Variants in NPTN observed in about 807,000 individuals in gnomAD.
NPTN encodes the protein SDR-1.
Under a neutral mutation model 42.7 loss-of-function variants are expected in NPTN, and 5 were observed. The observed-to-expected ratio is 0.12, with a 90% CI of 0.06 to 0.25. The LOEUF (loss-of-function observed/expected upper bound fraction) is 0.25. NPTN is among the 10% of genes least tolerant of loss of function. The pLI, the probability that NPTN is intolerant of heterozygous loss-of-function variation, is 1.00. For missense variants in NPTN, 307 were observed against 525.4 expected, an observed-to-expected ratio of 0.58 and a Z score of 4.06; for synonymous variants, 180 against 201.9, an observed-to-expected ratio of 0.89 and a Z score of 0.92.
At chr15:73,626,701 C>T (rs1026688328) in intron 1 of NPTN, among the ~76,000 whole-genome samples, 3 of 152,100 alleles carry the variant, frequency 2.0e-5, no homozygotes, top group Admixed American at 6.5e-5. Context: ...TGTGACATTT[C>T]GTTATGCATT....
intron 3 of NPTN, among the ~76,000 whole-genome samples, chr15:73,590,922 A>G (rs1896560039): frequency 6.6e-6 from 1 of 152,166 alleles, no homozygotes. Context: ...TTTTATCAGA[A>G]GAAACTACAG....
chr15:73,594,934 T>G (rs1489195786), intron 2 of NPTN, among the ~76,000 whole-genome samples: 1 of 147,754 alleles, frequency 6.8e-6, no homozygotes, highest in African/African-American at 2.5e-5. Context: ...CCAATTAGAG[T>G]TGGATCCAGG....
chr15:73,629,977 A>G (rs769914673), intron 1 of NPTN, among the ~76,000 whole-genome samples: 15 of 152,238 alleles, frequency 9.9e-5, no homozygotes, highest in Non-Finnish European at 2.1e-4. Flanking sequence ...CAAAAGCACA[A>G]ATCTCTATGT....
At position 73,561,862 on chromosome 15, in the gene NPTN, A is replaced by G. The variant is rs992276758; in HGVS notation, c.*14+34T>C. 4 of 1,455,006 alleles carry G rather than the reference A, an allele frequency of 2.7e-6. No homozygotes were observed. In the African/African-American group the frequency reaches 4.2e-5, roughly 15 times the overall value. The allele number at this position is 1,455,006 out of a possible 1,614,324, so 90.1% of individuals were successfully genotyped here. A position where few individuals can be genotyped will look rare whatever the true frequency, so the allele number is the denominator to read the frequency against. Reference sequence around the variant, plus strand: ...AATAGAGGCACATTCATTTGAATATAATTTTTAAGACTGCTACAGAAGGCC... The same window carrying G: ...AATAGAGGCACATTCATTTGAATATGATTTTTAAGACTGCTACAGAAGGCC... On this transcript the variant is annotated intron_variant, in intron 8 of 8. Transcript: ENST00000345330.
chr15:73,592,634 T>C (rs1015455590), intron 2 of NPTN, among the ~76,000 whole-genome samples: 3 of 152,114 alleles, frequency 2.0e-5, no homozygotes, highest in African/African-American at 7.2e-5. Context: ...TGGCAAACCA[T>C]AGGCCATTAT....
At chr15:73,568,233 A>G (rs1895150783) in intron 6 of NPTN, 1 of 985,494 alleles carries the variant, frequency 1.0e-6, no homozygotes, top group Non-Finnish European at 1.2e-6. Flanking sequence ...GTGACTTCTT[A>G]GGGCAAAGAC....
chr15:73,574,194 T>G (rs1485250280), intron 4 of NPTN, among the ~76,000 whole-genome samples: 1 of 152,256 alleles, frequency 6.6e-6, no homozygotes, highest in Admixed American at 6.5e-5. Context: ...TTATGCATCC[T>G]GTCAAATATC....
chr15:73,631,707 T>G (rs1898753326), intron 1 of NPTN, among the ~76,000 whole-genome samples: 1 of 152,228 alleles, frequency 6.6e-6, no homozygotes, highest in African/African-American at 2.4e-5. Flanking sequence ...TATAGTTCAC[T>G]CTCCAGTACT....
At chr15:73,577,041 G>T (rs1298021174) in intron 4 of NPTN, among the ~76,000 whole-genome samples, 9 of 152,064 alleles carry the variant, frequency 5.9e-5, no homozygotes. Flanking sequence ...TTTGTGGGTT[G>T]GAAGTCCCCA....
intron 5 of NPTN, among the ~76,000 whole-genome samples, chr15:73,571,230 C>T (rs547145195): frequency 6.6e-6 from 1 of 152,272 alleles, no homozygotes; most frequent in Admixed American, 6.5e-5. Flanking sequence ...TGCACTCCAG[C>T]CTGGTAGACA....
intron 1 of NPTN, among the ~76,000 whole-genome samples, chr15:73,613,975 C>T (rs1040579961): frequency 1.3e-4 from 19 of 151,976 alleles, no homozygotes; most frequent in African/African-American, 4.3e-4. Flanking sequence ...TGTGAGCCAC[C>T]GTGCCTGGCC....
chr15:73,561,738 T>G (rs1394869680), intron 8 of NPTN, among the ~76,000 whole-genome samples, 158 bp downstream of exon 8: 4 of 152,176 alleles, frequency 2.6e-5, no homozygotes, highest in Admixed American at 2.6e-4. Flanking sequence ...TTCCAGTCCC[T>G]AAACTGGGCA....
chr15:73,580,628 T>TAC (rs1462936591), intron 4 of NPTN, among the ~76,000 whole-genome samples: 6 of 146,712 alleles, frequency 4.1e-5, no homozygotes, highest in African/African-American at 1.5e-4. Flanking sequence ...TATATGTATA[T>TAC]ATGTATATAC....
At chr15:73,612,209 A>G (rs1016108477) in intron 1 of NPTN, among the ~76,000 whole-genome samples, 1 of 152,084 alleles carries the variant, frequency 6.6e-6, no homozygotes, top group African/African-American at 2.4e-5. Context: ...GCTTGAGCCC[A>G]GGAGTTCAAG....
rs1191116307 is a variant in NPTN at position 73,560,055 on chromosome 15, ACTT to A, written c.*1005_*1007del. 2.9e-6 allele frequency: 2 copies of A among 685,734 alleles called. No individual in the cohort carries two copies. The highest frequency in any genetic ancestry group is 4.9e-5 in the South Asian group (2 of 40,926). The allele number at this position is 685,734 out of a possible 1,614,324, so 42.5% of individuals were successfully genotyped here. A position where few individuals can be genotyped will look rare whatever the true frequency, so the allele number is the denominator to read the frequency against. ...TTTATTTTTAAAAACAGGTGAATCC[ACTT>A]TTTTATACATCATTGCACTTCAATA... On this transcript the variant is annotated 3_prime_UTR_variant, in exon 9 of 9. Coordinates refer to ENST00000345330, the MANE Select transcript of NPTN (RefSeq NM_012428.4).
rs1472224947 is a variant in NPTN, at chr15:73,560,945, A to ACAGT, written c.*114_*117dup. On this transcript the variant is annotated 3_prime_UTR_variant, in exon 9 of 9. Coordinates refer to ENST00000345330, the MANE Select transcript of NPTN (RefSeq NM_012428.4). ...AGAGGCTAAATAAGGCATGCTTTAG[A>ACAGT]CAGTCATTGTGGTGTTGCTCACTTG... 6.6e-6 allele frequency: 1 copy of ACAGT among 152,646 alleles called. No homozygotes were observed. The highest frequency in any genetic ancestry group is 1.5e-5 in the Non-Finnish European group (1 of 68,028). 9.5% of individuals were successfully genotyped at this position (152,646 alleles called of 1,614,324 possible).
chr15:73,580,411 A>ATATATATAT, intron 4 of NPTN, among the ~76,000 whole-genome samples: 2 of 97,958 alleles, frequency 2.0e-5, no homozygotes, highest in African/African-American at 4.6e-5. Context: ...TATATATATA[A>ATATATATAT]TATATATATA....
chr15:73,573,312 G>A (rs769600585), intron 5 of NPTN, among the ~76,000 whole-genome samples: 3 of 152,018 alleles, frequency 2.0e-5, no homozygotes, highest in South Asian at 2.1e-4. Context: ...AGGCCTCCCC[G>A]GCAATGCTTC....
intron 1 of NPTN, chr15:73,632,828 G>A: frequency 3.1e-6 from 1 of 325,840 alleles, no homozygotes; most frequent in Non-Finnish European, 5.6e-6. Flanking sequence ...CCCCACGTCG[G>A]CTTCCTCCGT....
Sources: allele counts gnomAD v4.1 joint callset (sites outside exome capture counted in the v4.1 genomes callset), GRCh38; gene constraint gnomAD v4.1.1; transcripts MANE v1.5; gene names NCBI Gene and HGNC (gene_info 2026-07-23, HGNC 2026-07-21).